GPR158: variants seen among roughly 807,000 people sequenced by gnomAD.
GPR158 encodes the protein G protein-coupled receptor 158.
In GPR158, 30 loss-of-function variants were observed where a neutral mutation model predicts 78.2. The observed-to-expected ratio is 0.38, with a 90% confidence interval of 0.29 to 0.52. GPR158 has a LOEUF of 0.52. GPR158 is among the 20% of genes least tolerant of loss of function. The probability of loss-of-function intolerance (pLI) is 0.83; values close to 1 mark genes in which losing one functional copy is unlikely to be tolerated. For missense variants in GPR158, 1,463 were observed against 1,523.5 expected, an observed-to-expected ratio of 0.96 and a Z score of 0.66; for synonymous variants, 581 against 591.1, an observed-to-expected ratio of 0.98 and a Z score of 0.25.
chr10:25,266,832 A>G (rs767114691), intron 2 of GPR158, among the ~76,000 whole-genome samples: 1 of 152,176 alleles, frequency 6.6e-6, no homozygotes, highest in East Asian at 1.9e-4. Flanking sequence ...ACAACATGTG[A>G]GATAACCTTT....
In GPR158 at chr10:25,428,652, T is replaced by C. The variant is rs542484810; in HGVS notation, c.1335+16179T>C. On this transcript the variant is annotated intron_variant, in intron 4 of 10. Coordinates refer to ENST00000376351, the MANE Select transcript of GPR158 (RefSeq NM_020752.3). ...TATCCTATGTGTATTTGAAGACAGA[T>C]TGAAGGGATTTCCGGACCATTTCAA... Among the ~76,000 whole-genome samples the C allele has an allele frequency of 1.4e-4, 21 of 152,188 alleles. No individual in the cohort carries two copies. The East Asian group carries it at 3.9e-3, about 28-fold the overall frequency.
intron 2 of GPR158, among the ~76,000 whole-genome samples, chr10:25,283,144 T>C (rs1204572344): frequency 2.2e-4 from 33 of 152,176 alleles, no homozygotes; most frequent in Admixed American, 2.2e-3. Flanking sequence ...GCTGAGGTCT[T>C]CTTTGTTGGA....
chr10:25,342,091 A>T (rs887258137), intron 2 of GPR158, among the ~76,000 whole-genome samples: 1 of 151,976 alleles, frequency 6.6e-6, no homozygotes, highest in Non-Finnish European at 1.5e-5. Context: ...CGCTTGCCTG[A>T]TAATTATTTA....
At chr10:25,331,563 T>C (rs147951562) in intron 2 of GPR158, among the ~76,000 whole-genome samples, 1 of 152,326 alleles carries the variant, frequency 6.6e-6, no homozygotes, top group African/African-American at 2.4e-5. Flanking sequence ...ACTTAAACAT[T>C]ACTCCAGGAG....
chr10:25,423,192 T>TAC (rs1190927214), intron 4 of GPR158, among the ~76,000 whole-genome samples: 37 of 150,704 alleles, frequency 2.5e-4, no homozygotes, highest in Middle Eastern at 3.4e-3. Flanking sequence ...TACACACATA[T>TAC]ATACACACAC....
At chr10:25,443,920 C>A (rs1210623206) in intron 4 of GPR158, among the ~76,000 whole-genome samples, 1 of 152,036 alleles carries the variant, frequency 6.6e-6, no homozygotes, top group Admixed American at 6.6e-5. Flanking sequence ...CATTTATTTT[C>A]TATGTCCTAT....
At chr10:25,555,396 A>T (rs954427431) in intron 6 of GPR158, among the ~76,000 whole-genome samples, 5 of 152,186 alleles carry the variant, frequency 3.3e-5, no homozygotes, top group Non-Finnish European at 5.9e-5. Context: ...AAGTAGGCAC[A>T]AACGATGTTT....
At chr10:25,508,121 T>A (rs1207204751) in intron 5 of GPR158, among the ~76,000 whole-genome samples, 4 of 152,230 alleles carry the variant, frequency 2.6e-5, no homozygotes, top group African/African-American at 4.8e-5. Flanking sequence ...ATTTTTAGAA[T>A]TAGATGCTAG....
rs74962027 is a variant in GPR158 at position 25,599,563 on chromosome 10, T to A, written c.*289T>A. 9.1e-6 allele frequency: 3 copies of A among 331,308 alleles called. No individual in the cohort carries two copies. Among genetic ancestry groups the A allele is most frequent in the Non-Finnish European group, 1.1e-5 (2 of 180,648 alleles). 20.5% of individuals were successfully genotyped at this position (331,308 alleles called of 1,614,324 possible). On this transcript the variant is annotated 3_prime_UTR_variant, in exon 11 of 11. Transcript: ENST00000376351. ...CCCACAATGTCTGCCCTGATCAATA[T>A]GTATCCATGGGACTTTGAAGATCCT...
At chr10:25,427,385 T>C (rs576442460) in intron 4 of GPR158, among the ~76,000 whole-genome samples, 1 of 152,186 alleles carries the variant, frequency 6.6e-6, no homozygotes, top group African/African-American at 2.4e-5. Flanking sequence ...TGTGTGCTTA[T>C]TTATACTGTT....
At chr10:25,594,713 A>G (rs201278426) in intron 9 of GPR158, among the ~76,000 whole-genome samples, 10 of 132,366 alleles carry the variant, frequency 7.6e-5, no homozygotes, top group African/African-American at 2.5e-4. Flanking sequence ...GAACTCTCCT[A>G]TTCTAAGAAT....
Position 25,362,932 on chromosome 10 carries a change from T to C in GPR158, c.1009-32979T>C, listed in dbSNP as rs922441377. Among the ~76,000 whole-genome samples, 3 of 151,894 alleles carry C rather than the reference T, an allele frequency of 2.0e-5. No individual in the cohort carries two copies. In the South Asian group the frequency reaches 6.2e-4, roughly 32 times the overall value. Reference sequence around the variant, plus strand: ...ACACAAATTCTCTTTTGTTTACTGATTTTATGGTATATCTCTTTCTGTCCT... The same window carrying C: ...ACACAAATTCTCTTTTGTTTACTGACTTTATGGTATATCTCTTTCTGTCCT... On this transcript the variant is annotated intron_variant, in intron 2 of 10. Coordinates refer to ENST00000376351, the MANE Select transcript of GPR158 (RefSeq NM_020752.3).
Position 25,599,405 on chromosome 10 carries a change from G to C in GPR158, c.*131G>C. The stretch of plus-strand genomic sequence containing the variant: ...TGACAGATGGTGAGGTAAAGTCAAA[G>C]GCATGGGTAGAAGAGGACCAGGGGG... On this transcript the variant is annotated 3_prime_UTR_variant, in exon 11 of 11. Coordinates refer to ENST00000376351, the MANE Select transcript of GPR158 (RefSeq NM_020752.3). 1.4e-6 allele frequency: 1 copy of C among 719,814 alleles called. No homozygotes were observed. The highest frequency in any genetic ancestry group is 2.3e-6 in the Non-Finnish European group (1 of 442,576). The allele number at this position is 719,814 out of a possible 1,614,324, so 44.6% of individuals were successfully genotyped here.
At chr10:25,450,482 A>T (rs1395294868) in intron 4 of GPR158, among the ~76,000 whole-genome samples, 2 of 145,124 alleles carry the variant, frequency 1.4e-5, no homozygotes, top group African/African-American at 5.1e-5. Context: ...CCTTTTCTGT[A>T]GACTTTACTT....
At chr10:25,251,977 A>T (rs943865762) in intron 2 of GPR158, among the ~76,000 whole-genome samples, 1 of 151,772 alleles carries the variant, frequency 6.6e-6, no homozygotes, top group Non-Finnish European at 1.5e-5. Context: ...TGGTCTTTTC[A>T]CATAGTCCCA....
intron 5 of GPR158, 40 bp from the exon 6 acceptor site, chr10:25,550,936 C>T (rs1353355096): frequency 1.0e-6 from 1 of 996,828 alleles, no homozygotes; most frequent in Non-Finnish European, 1.6e-6. Context: ...TGTGGGTCAT[C>T]AGTTGATCCT....
intron 1 of GPR158, among the ~76,000 whole-genome samples, chr10:25,177,065 C>A (rs991295496): frequency 6.6e-6 from 1 of 152,184 alleles, no homozygotes; most frequent in African/African-American, 2.4e-5. Flanking sequence ...CCTTCACACA[C>A]TCACATGATT....
chr10:25,178,010 T>TTTGC lies in GPR158; in HGVS notation c.902+1688_902+1689insTTGC, dbSNP rs144973807. ...GATGCTATTCACTGCCAGCAAACTGTAGCCTTTAAATGAGTCTTTTTAGGG... is the reference window on the plus strand; with the variant it reads ...GATGCTATTCACTGCCAGCAAACTGTTTGCAGCCTTTAAATGAGTCTTTTTAGGG... On this transcript the variant is annotated intron_variant, in intron 1 of 10. Coordinates refer to ENST00000376351, the MANE Select transcript of GPR158 (RefSeq NM_020752.3). Among the ~76,000 whole-genome samples the TTTGC allele has an allele frequency of 6.7e-3, 1,018 of 152,346 alleles. 15 individuals are homozygous for TTTGC. The highest frequency in any genetic ancestry group is 0.023 in the African/African-American group (973 of 41,576).
intron 1 of GPR158, among the ~76,000 whole-genome samples, chr10:25,199,288 G>A (rs758632956): frequency 6.6e-6 from 1 of 152,058 alleles, no homozygotes; most frequent in African/African-American, 2.4e-5. Flanking sequence ...TACCTGATAG[G>A]TAGTTTTTCA....
Sources: gnomAD v4.1 joint callset for allele counts (sites outside exome capture counted in the v4.1 genomes callset) on GRCh38, gnomAD v4.1.1 for gene constraint, MANE v1.5 for transcripts, NCBI Gene and HGNC (gene_info 2026-07-23, HGNC 2026-07-21) for gene names.